Variants in EHF observed in about 807,000 individuals in gnomAD.
EHF encodes ESE3 transcription factor.
EHF carries 14 observed loss-of-function variants against 45.1 expected under a neutral mutation model. The ratio of observed to expected loss-of-function variants is 0.31; its 90% CI spans 0.21 to 0.49. The LOEUF is 0.49. Ranked by LOEUF, EHF falls within the 20% of genes least tolerant of loss-of-function variation. EHF has a pLI of 0.99. For synonymous variants in EHF, 136 were observed against 131.8 expected (o/e 1.03, Z -0.22); for missense variants, 282 against 371.4 (o/e 0.76, Z 1.98).
intron 4 of EHF, among the ~76,000 whole-genome samples, chr11:34,649,776 C>T (rs955237136): frequency 6.6e-6 from 1 of 152,204 alleles, no homozygotes; most frequent in Non-Finnish European, 1.5e-5. Flanking sequence ...TCCTAAGTCA[C>T]TCCCCATGTT....
chr11:34,656,012 G>A (rs1244690124), intron 6 of EHF, among the ~76,000 whole-genome samples: 1 of 151,614 alleles, frequency 6.6e-6, no homozygotes, highest in African/African-American at 2.4e-5. Flanking sequence ...GCTGATTTTT[G>A]AGTGTGAGAG....
chr11:34,643,070 GT>G (rs1854173105), intron 2 of EHF, among the ~76,000 whole-genome samples: 1 of 129,956 alleles, frequency 7.7e-6, no homozygotes, highest in African/African-American at 3.3e-5. Flanking sequence ...GAAAGGGTAT[GT>G]GTGTGTGTGT....
chr11:34,645,217 A>G (rs1360135044), intron 2 of EHF, among the ~76,000 whole-genome samples: 1 of 152,124 alleles, frequency 6.6e-6, no homozygotes. Context: ...AGACTATGGA[A>G]TGTTTTTTTA....
At chr11:34,624,195 G>C in intron 1 of EHF, 1 of 806,220 alleles carries the variant, frequency 1.2e-6, no homozygotes, top group South Asian at 5.6e-5. Flanking sequence ...ACTCATTTCT[G>C]TTGTGGGTGG....
chr11:34,637,728 T>A (rs1853585892), intron 1 of EHF, among the ~76,000 whole-genome samples: 1 of 152,160 alleles, frequency 6.6e-6, no homozygotes, highest in Non-Finnish European at 1.5e-5. Context: ...CAACTGTGAG[T>A]CTTACAAACT....
At chr11:34,635,657 T>C (rs1768328708) in intron 1 of EHF, among the ~76,000 whole-genome samples, 1 of 151,478 alleles carries the variant, frequency 6.6e-6, no homozygotes, top group African/African-American at 2.4e-5. Flanking sequence ...CTTTAGCCGT[T>C]CTCTATCAGG....
At chr11:34,654,777 C>T (rs1195154315) in intron 6 of EHF, among the ~76,000 whole-genome samples, 1 of 152,122 alleles carries the variant, frequency 6.6e-6, no homozygotes, top group Non-Finnish European at 1.5e-5. Flanking sequence ...CACAAAGGCA[C>T]CTGAACTCTG....
chr11:34,658,510 C>A (rs770260609), intron 7 of EHF, 23 bp from the exon 8 acceptor site: 3 of 1,601,702 alleles, frequency 1.9e-6, no homozygotes, highest in Admixed American at 1.7e-5. Flanking sequence ...TCATTAGTAA[C>A]CTGCCTTTCT....
chr11:34,640,640 C>T (rs922621202), intron 1 of EHF, among the ~76,000 whole-genome samples: 5 of 152,142 alleles, frequency 3.3e-5, no homozygotes, highest in Non-Finnish European at 7.3e-5. Context: ...GGCAATTGCT[C>T]TACAAAGTTG....
chr11:34,623,898 T>C (rs1457542149), intron 1 of EHF, among the ~76,000 whole-genome samples: 1 of 152,158 alleles, frequency 6.6e-6, no homozygotes, highest in East Asian at 1.9e-4. Context: ...AACACAGACA[T>C]AGAAGCTTGT....
At chr11:34,649,737 C>A (rs1034327689) in intron 4 of EHF, among the ~76,000 whole-genome samples, 1 of 152,206 alleles carries the variant, frequency 6.6e-6, no homozygotes, top group African/African-American at 2.4e-5. Context: ...AGTCCATGAG[C>A]CATCATAAAA....
rs755844845 is a variant in EHF at position 34,658,595 on chromosome 11, C to A, written c.670C>A (p.Pro224Thr). The change falls in exon 8 of 9, where the codon CCA becomes ACA. Residue 224 changes from proline to threonine, a missense_variant. Physicochemically the swap from Pro to Thr is conservative, Grantham distance 38. Around this residue, in one of 3 missense-constraint regions of EHF, gnomAD observed 41 missense variants for 87.0 expected, o/e 0.47. Coordinates refer to ENST00000257831, the MANE Select transcript of EHF (RefSeq NM_012153.6). ...RDILLNPDKN[P>T]GLIKWEDRSE... is the part of the protein sequence containing the mutation. ...CATCCTCTTGAACCCAGACAAGAAC[C>A]CAGGATTAATAAAATGGGAAGACCG... 4 of 1,613,504 alleles carry A rather than the reference C, an allele frequency of 2.5e-6. No individual in the cohort carries two copies. The African/African-American group carries it at 5.3e-5, about 22-fold the overall frequency.
chr11:34,622,352 G>A (rs1215286658), intron 1 of EHF: 3 of 1,228,698 alleles, frequency 2.4e-6, no homozygotes, highest in African/African-American at 1.5e-5. Context: ...GAGAAAGTGA[G>A]TGAATGGATT....
At chr11:34,623,121 C>T (rs993598912) in intron 1 of EHF, among the ~76,000 whole-genome samples, 3 of 151,980 alleles carry the variant, frequency 2.0e-5, no homozygotes, top group Non-Finnish European at 2.9e-5. Context: ...ATGAAGTCTC[C>T]GTCGCCCAGC....
rs947217606 is a variant in EHF at position 34,659,217 on chromosome 11, T to A, written c.*286T>A. The A allele has an allele frequency of 1.1e-5, 3 of 264,464 alleles. No homozygotes were observed. The highest frequency in any genetic ancestry group is 2.1e-5 in the Non-Finnish European group (3 of 141,110). The allele number at this position is 264,464 out of a possible 1,614,324, so 16.4% of individuals were successfully genotyped here. ...TTTCACCTCTATTGTGAATTCTTTT[T>A]CACTGCAAGAGTAACAGGATTTGTA... On this transcript the variant is annotated 3_prime_UTR_variant, in exon 9 of 9. Coordinates refer to ENST00000257831, the MANE Select transcript of EHF (RefSeq NM_012153.6).
rs149057806 is a variant in EHF, at chr11:34,656,942, C to T, written c.579C>T (p.Pro193=). ...ESPDMKKEQD[P]PAKCHTKKHN... is the part of the protein sequence containing the mutation. ...CTGATATGAAAAAGGAGCAAGACCC[C>T]CCTGCCAAGTGCCACACCAAAAAGC... Residue 193 remains proline (P), a synonymous_variant, in exon 7 of 9, where the codon CCC becomes CCT. Coordinates refer to ENST00000257831, the MANE Select transcript of EHF (RefSeq NM_012153.6). 49 of 1,613,576 alleles carry T rather than the reference C, an allele frequency of 3.0e-5. No individual in the cohort carries two copies. Among genetic ancestry groups the T allele is most frequent in the Admixed American group, 3.0e-4 (18 of 59,960 alleles).
intron 1 of EHF, chr11:34,622,461 G>A (rs1852049905): frequency 8.2e-7 from 1 of 1,226,454 alleles, no homozygotes; most frequent in Non-Finnish European, 1.1e-6. Context: ...AGGGCAATTA[G>A]AGATTCTGTG....
intron 1 of EHF, chr11:34,624,184 C>T: frequency 1.5e-6 from 1 of 650,480 alleles, no homozygotes; most frequent in Non-Finnish European, 1.9e-6. Context: ...GTTGACGTGA[C>T]ACTCATTTCT....
In EHF at chr11:34,660,502, G is replaced by GCT. The variant is rs1196326560; in HGVS notation, c.*1573_*1574dup. The GCT allele has an allele frequency of 6.6e-6, 1 of 152,078 alleles. No individual in the cohort carries two copies. Among genetic ancestry groups the GCT allele is most frequent in the Non-Finnish European group, 1.5e-5 (1 of 68,008 alleles). 9.4% of individuals were successfully genotyped at this position (152,078 alleles called of 1,614,324 possible). The stretch of plus-strand genomic sequence containing the variant: ...ATGAAAAAAATAAACAGAAAACTCA[G>GCT]CTCAGGCACAATTGTCACCAAGGAG... On this transcript the variant is annotated 3_prime_UTR_variant, in exon 9 of 9. Transcript: ENST00000257831.
Sources: allele counts gnomAD v4.1 joint callset (sites outside exome capture counted in the v4.1 genomes callset), GRCh38; gene constraint gnomAD v4.1.1; regional missense constraint gnomAD v4.1.1; transcripts MANE v1.5; gene names NCBI Gene and HGNC (gene_info 2026-07-23, HGNC 2026-07-21).